Variants in KNG1 observed in about 807,000 individuals in gnomAD.
KNG1 encodes the protein kininogen 1.
Under a neutral mutation model 47.8 loss-of-function variants are expected in KNG1, and 23 were observed. That is an observed-to-expected ratio of 0.48 (90% CI 0.35 to 0.68). The LOEUF is 0.68. KNG1 is among the 30% of genes least tolerant of loss of function. The probability of loss-of-function intolerance (pLI) is 0.01; values close to 1 mark genes in which losing one functional copy is unlikely to be tolerated. For synonymous variants in KNG1, 277 were observed against 277.0 expected (o/e 1.00, Z 0.00); for missense variants, 762 against 790.2 (o/e 0.96, Z 0.43).
rs572760218 is a variant in KNG1, at chr3:186,722,606, T to C, written c.391+85T>C. 252 of 1,112,200 alleles carry C rather than the reference T, an allele frequency of 2.3e-4. 6 individuals carry two copies. The South Asian group carries it at 2.8e-3, about 13-fold the overall frequency. 68.9% of individuals were successfully genotyped at this position (1,112,200 alleles called of 1,614,324 possible). On this transcript the variant is annotated intron_variant, in intron 3 of 9. Transcript: ENST00000644859. ...GAACACAATCTTGACCAGGCTCTGC[T>C]TGCTCCCAGAGGGTGGCAGTAGTAA...
At chr3:186,734,037 C>A (rs1257472773) in intron 7 of KNG1, among the ~76,000 whole-genome samples, 1 of 152,044 alleles carries the variant, frequency 6.6e-6, no homozygotes, top group Non-Finnish European at 1.5e-5. Flanking sequence ...ATGGACAGAC[C>A]CCTATTTTAG....
intron 7 of KNG1, 148 bp from the exon 8 acceptor site, chr3:186,738,951 C>G: frequency 1.4e-6 from 1 of 698,366 alleles, no homozygotes; most frequent in Non-Finnish European, 2.5e-6. Flanking sequence ...GCATGCCAAG[C>G]TTTAATGCCA....
intron 1 of KNG1, 70 bp downstream of exon 1, chr3:186,717,807 C>T (rs1208215834): frequency 1.9e-6 from 2 of 1,036,106 alleles, no homozygotes; most frequent in East Asian, 4.8e-5. Flanking sequence ...AGGCCTCACA[C>T]ACACACACAC....
chr3:186,725,269 T>G lies in KNG1; in HGVS notation c.564+9T>G. ...AACGGGCCCAAAGACAGGTTTGTTCTTTAATTCTCTAAGTAGCACAGTATT... is the reference window on the plus strand; with the variant it reads ...AACGGGCCCAAAGACAGGTTTGTTCGTTAATTCTCTAAGTAGCACAGTATT... On this transcript the variant is annotated intron_variant, in intron 4 of 9. Coordinates refer to ENST00000644859, the MANE Select transcript of KNG1 (RefSeq NM_001102416.3). The G allele has an allele frequency of 6.2e-7, 1 of 1,612,250 alleles. No homozygotes were observed.
At chr3:186,733,609 T>C (rs890045628) in intron 7 of KNG1, among the ~76,000 whole-genome samples, 1 of 152,190 alleles carries the variant, frequency 6.6e-6, no homozygotes, top group South Asian at 2.1e-4. Flanking sequence ...CAGATCACTC[T>C]GGGTGGTCAT....
intron 5 of KNG1, among the ~76,000 whole-genome samples, chr3:186,731,184 T>C (rs1720521684): frequency 6.6e-6 from 1 of 152,220 alleles, no homozygotes; most frequent in South Asian, 2.1e-4. Flanking sequence ...TTTTAAGCTT[T>C]ATACATTGTT....
Position 186,734,893 on chromosome 3 carries a change from G to C in KNG1, c.930+2219G>C, listed in dbSNP as rs373454175. 18 of 152,194 alleles carry C rather than the reference G, an allele frequency of 1.2e-4. 1 individual carries two copies. The highest frequency in any genetic ancestry group is 4.3e-4 in the African/African-American group (18 of 41,530). 9.4% of individuals were successfully genotyped at this position (152,194 alleles called of 1,614,324 possible). A position where few individuals can be genotyped will look rare whatever the true frequency, so the allele number is the denominator to read the frequency against. The stretch of plus-strand genomic sequence containing the variant: ...TCATAGTGGTGATTTTTAGGTGATG[G>C]AATAACACTACTTTAATCTTTCTAA... On this transcript the variant is annotated intron_variant, in intron 7 of 9. Coordinates refer to ENST00000644859, the MANE Select transcript of KNG1 (RefSeq NM_001102416.3).
intron 4 of KNG1, 57 bp downstream of exon 4, chr3:186,725,317 C>T: frequency 6.6e-7 from 1 of 1,514,770 alleles, no homozygotes; most frequent in African/African-American, 1.4e-5. Flanking sequence ...TAGATCTTTA[C>T]ATTTAAAATG....
In KNG1 at chr3:186,743,540, G is replaced by A. The variant is rs972444897; in HGVS notation, c.*1209G>A. On this transcript the variant is annotated 3_prime_UTR_variant, in exon 10 of 10. Coordinates refer to ENST00000644859, the MANE Select transcript of KNG1 (RefSeq NM_001102416.3). ...TCACTGCTGCTTCAAGTTATTGGAT[G>A]CATTTGAACCTCTGAGTTTGTCTTT... The A allele has an allele frequency of 1.3e-5, 8 of 627,602 alleles. No individual in the cohort carries two copies. The highest frequency in any genetic ancestry group is 1.3e-4 in the African/African-American group (7 of 54,924). 38.9% of individuals were successfully genotyped at this position (627,602 alleles called of 1,614,324 possible). A position where few individuals can be genotyped will look rare whatever the true frequency, so the allele number is the denominator to read the frequency against.
chr3:186,735,644 T>C (rs908398941), intron 7 of KNG1, among the ~76,000 whole-genome samples: 1 of 125,298 alleles, frequency 8.0e-6, no homozygotes, highest in Non-Finnish European at 1.9e-5. Context: ...AAAAAAAGAA[T>C]TAAAAAATTA....
At chr3:186,731,015 A>G (rs1720517372) in intron 5 of KNG1, among the ~76,000 whole-genome samples, 1 of 151,714 alleles carries the variant, frequency 6.6e-6, no homozygotes, top group African/African-American at 2.4e-5. Context: ...TTTTGATTCC[A>G]TGCCTTCTGG....
chr3:186,730,593 T>A (rs1227900983), intron 5 of KNG1, among the ~76,000 whole-genome samples: 1 of 143,968 alleles, frequency 6.9e-6, no homozygotes, highest in Non-Finnish European at 1.5e-5. Context: ...GAGGCAGAGG[T>A]TGCAGTGAGC....
rs1406360856 is a variant in KNG1 at position 186,743,626 on chromosome 3, C to CCTTG, written c.*1296_*1299dup. The stretch of plus-strand genomic sequence containing the variant: ...CCACAGATGTCAGGAAAAAGTCTTA[C>CCTTG]CTTGTCAACTGGTTGCTCCACTTTT... On this transcript the variant is annotated 3_prime_UTR_variant, in exon 10 of 10. Transcript: ENST00000644859. The CCTTG allele has an allele frequency of 4.8e-6, 5 of 1,035,068 alleles. No individual in the cohort carries two copies. Among genetic ancestry groups the CCTTG allele is most frequent in the African/African-American group, 1.6e-5 (1 of 63,872 alleles). 64.1% of individuals were successfully genotyped at this position (1,035,068 alleles called of 1,614,324 possible).
At chr3:186,738,991 A>G in intron 7 of KNG1, 108 bp from the exon 8 acceptor site, 1 of 887,340 alleles carries the variant, frequency 1.1e-6, no homozygotes. Context: ...GTAACTCTCT[A>G]AGTTGGTCAA....
chr3:186,728,069 C>T (rs1720420824), intron 5 of KNG1, among the ~76,000 whole-genome samples: 1 of 152,154 alleles, frequency 6.6e-6, no homozygotes, highest in Non-Finnish European at 1.5e-5. Context: ...TTCTCATCTT[C>T]CCTTCCCTAC....
chr3:186,722,514 T>A lies in KNG1; in HGVS notation c.384T>A (p.Ile128=). 1 of 1,612,684 alleles carries A rather than the reference T, an allele frequency of 6.2e-7. No homozygotes were observed. The highest frequency in any genetic ancestry group is 8.5e-7 in the Non-Finnish European group (1 of 1,178,874). ...KFSVATQTCQ[I]TPAEGPVVTA... ...CCGTGGCTACCCAGACCTGCCAGAT[T>A]ACTCCAGGTGGCTGGTTTATCCTCT... The change falls in exon 3 of 10, where the codon ATT becomes ATA. Residue 128 remains isoleucine, a synonymous_variant. Coordinates refer to ENST00000644859, the MANE Select transcript of KNG1 (RefSeq NM_001102416.3).
In KNG1 at chr3:186,742,533, C is replaced by G. The variant is rs773324271; in HGVS notation, c.*202C>G. 1 of 1,409,750 alleles carries G rather than the reference C, an allele frequency of 7.1e-7. No homozygotes were observed. Among genetic ancestry groups the G allele is most frequent in the Non-Finnish European group, 9.2e-7 (1 of 1,086,928 alleles). The allele number at this position is 1,409,750 out of a possible 1,614,324, so 87.3% of individuals were successfully genotyped here. Reference sequence around the variant, plus strand: ...AAAATTGTGTGCCACAATTCTAACTCTTTTCTGAATCTTCTTCCCAAGTTT... The same window carrying G: ...AAAATTGTGTGCCACAATTCTAACTGTTTTCTGAATCTTCTTCCCAAGTTT... On this transcript the variant is annotated 3_prime_UTR_variant, in exon 10 of 10. Transcript: ENST00000644859.
At position 186,738,701 on chromosome 3, in the gene KNG1, C is replaced by A. The variant is rs143550734; in HGVS notation, c.931-398C>A. On this transcript the variant is annotated intron_variant, in intron 7 of 9. Transcript: ENST00000644859. ...ATCTCTACTAAAAATATAAAATTAG[C>A]CAGGCGTGGAGGTGGGCAACTGTAA... 1.4e-3 allele frequency: 292 copies of A among 212,938 alleles called. 1 individual carries two copies. Among genetic ancestry groups the A allele is most frequent in the African/African-American group, 6.7e-3 (281 of 42,002 alleles). The allele number at this position is 212,938 out of a possible 1,614,324, so 13.2% of individuals were successfully genotyped here.
At chr3:186,732,041 G>C (rs1720548590) in intron 6 of KNG1, among the ~76,000 whole-genome samples, 1 of 152,166 alleles carries the variant, frequency 6.6e-6, no homozygotes, top group Admixed American at 6.5e-5. Context: ...AAGAAATGGA[G>C]ATAGTGTGAG....
Sources: gnomAD v4.1 joint callset for allele counts (sites outside exome capture counted in the v4.1 genomes callset) on GRCh38, gnomAD v4.1.1 for gene constraint, MANE v1.5 for transcripts, NCBI Gene and HGNC (gene_info 2026-07-23, HGNC 2026-07-21) for gene names.